NUP43: variants seen among roughly 807,000 people sequenced by gnomAD.
The protein encoded by NUP43 is nucleoporin Nup43.
In NUP43, 32 loss-of-function variants were observed where a neutral mutation model predicts 47.3. The ratio of observed to expected loss-of-function variants is 0.68; its 90% CI spans 0.51 to 0.91. The LOEUF (loss-of-function observed/expected upper bound fraction) is 0.91, where lower values mean the gene tolerates loss of function less well. Ranked by LOEUF, NUP43 falls within the 40% of genes least tolerant of loss-of-function variation. NUP43 has a pLI of 0.00. For missense variants in NUP43, 444 were observed against 453.9 expected, an observed-to-expected ratio of 0.98 and a Z score of 0.20; for synonymous variants, 147 against 158.4, an observed-to-expected ratio of 0.93 and a Z score of 0.54.
At chr6:149,732,773 G>A (rs1040687383) in intron 6 of NUP43, among the ~76,000 whole-genome samples, 2 of 152,124 alleles carry the variant, frequency 1.3e-5, no homozygotes, top group Non-Finnish European at 2.9e-5. Flanking sequence ...TTGAACCCGG[G>A]AGGCAAGGTT....
rs1238040244 is a variant in NUP43 at position 149,730,776 on chromosome 6, T to TA, written c.913+836dup. Among the ~76,000 whole-genome samples, 643 of 143,114 alleles carry TA rather than the reference T, an allele frequency of 4.5e-3. 3 individuals are homozygous for TA. Among genetic ancestry groups the TA allele is most frequent in the African/African-American group, 0.015 (572 of 39,068 alleles). The allele number at this position is 143,114 out of a possible 152,430, so 93.9% of individuals were successfully genotyped here. A position where few individuals can be genotyped will look rare whatever the true frequency, so the allele number is the denominator to read the frequency against. ...TGAGAGCTCATCTCTACAAAAAAAT[T>TA]AAAAAAAAAAAATTAGCTGGTTGTG... On this transcript the variant is annotated intron_variant, in intron 7 of 7. Transcript: ENST00000340413.
rs367927061 is a variant in NUP43 at position 149,728,666 on chromosome 6, A to G, written c.914-1468T>C. 1.1e-4 allele frequency among the ~76,000 whole-genome samples: 17 copies of G among 152,200 alleles called. No homozygotes were observed. The South Asian group carries it at 2.7e-3, about 24-fold the overall frequency. On this transcript the variant is annotated intron_variant, in intron 7 of 7. Transcript: ENST00000340413. ...CTCCCATAAGTCTAAAGTCCTTATC[A>G]TGGGCTACAAAGTCCCAGGGCTCCT...
At chr6:149,731,798 C>A (rs2115089901) in intron 6 of NUP43, 63 bp from the exon 7 acceptor site, 2 of 1,563,646 alleles carry the variant, frequency 1.3e-6, no homozygotes, top group South Asian at 1.1e-5. Flanking sequence ...AACATTAAAC[C>A]CCCATCTCTA....
At chr6:149,745,561 T>A (rs758504027) in intron 2 of NUP43, among the ~76,000 whole-genome samples, 3 of 152,180 alleles carry the variant, frequency 2.0e-5, no homozygotes, top group Non-Finnish European at 1.5e-5. Flanking sequence ...AACAAAATGA[T>A]GTTATCCCCC....
intron 5 of NUP43, among the ~76,000 whole-genome samples, chr6:149,737,106 A>C (rs935492034): frequency 2.0e-5 from 3 of 152,066 alleles, no homozygotes; most frequent in Admixed American, 2.0e-4. Context: ...CAAAATGGCG[A>C]AACCCCATCT....
chr6:149,740,336 AAAC>A (rs1487538888), intron 4 of NUP43, among the ~76,000 whole-genome samples: 22 of 151,478 alleles, frequency 1.5e-4, no homozygotes, highest in African/African-American at 5.1e-4. Flanking sequence ...AAATCATAAT[AAAC>A]AACACAAAAG....
At chr6:149,734,903 GA>G (rs35960957) in intron 6 of NUP43, among the ~76,000 whole-genome samples, 15 of 132,326 alleles carry the variant, frequency 1.1e-4, no homozygotes, top group East Asian at 2.2e-4. Flanking sequence ...AGAATCAAAA[GA>G]AAAAAAAAAG....
chr6:149,736,374 G>A lies in NUP43; in HGVS notation c.790+97C>T, dbSNP rs952231455. ...ACACAATTCAGCCATTAAAAGCTAT[G>A]ATGTAAAATGATCCACATGTATCAT... is the stretch of plus-strand genomic sequence containing the variant. On this transcript the variant is annotated intron_variant, in intron 6 of 7. Coordinates refer to ENST00000340413, the MANE Select transcript of NUP43 (RefSeq NM_198887.3). 1.4e-5 allele frequency: 10 copies of A among 738,006 alleles called. No homozygotes were observed. The Admixed American group carries it at 3.0e-4, about 22-fold the overall frequency. 45.7% of individuals were successfully genotyped at this position (738,006 alleles called of 1,614,324 possible).
At chr6:149,727,675 T>C in intron 7 of NUP43, 2 of 836,434 alleles carry the variant, frequency 2.4e-6, no homozygotes, top group Non-Finnish European at 2.9e-6. Flanking sequence ...TATTTGTTAC[T>C]ATATTTCTTA....
Position 149,727,097 on chromosome 6 carries a change from G to A in NUP43, c.1015C>T (p.Arg339Ter), listed in dbSNP as rs368190862. Residue 339 changes from arginine to a stop codon, truncating the protein, a stop_gained, in exon 8 of 8, where the codon CGA (arginine) becomes TGA (stop). Transcript: ENST00000340413. LOFTEE classifies it high-confidence loss of function. ...SWLSTDPAKD[R>*]IEITSLLPSR... ...GGAAGTAAGCTTGTGATTTCAATTC[G>A]GTCTTTTGCAGGATCAGTGCTGAGC... is the stretch of plus-strand genomic sequence containing the variant. 5.0e-5 allele frequency: 81 copies of A among 1,613,956 alleles called. No homozygotes were observed. Among genetic ancestry groups the A allele is most frequent in the Non-Finnish European group, 6.8e-5 (80 of 1,180,002 alleles).
intron 1 of NUP43, 45 bp downstream of exon 1, chr6:149,746,331 G>T (rs751137429): frequency 1.9e-6 from 3 of 1,604,478 alleles, no homozygotes; most frequent in African/African-American, 1.3e-5. Context: ...CAGCTCAACC[G>T]GAGAGAGGGA....
At chr6:149,738,965 T>G (rs1377030085) in intron 4 of NUP43, among the ~76,000 whole-genome samples, 187 bp from the exon 5 acceptor site, 1 of 152,108 alleles carries the variant, frequency 6.6e-6, no homozygotes, top group Non-Finnish European at 1.5e-5. Context: ...GGAAAAACAT[T>G]TACTCACAGG....
intron 7 of NUP43, among the ~76,000 whole-genome samples, chr6:149,729,880 AC>A (rs2115079893): frequency 6.6e-6 from 1 of 152,340 alleles, no homozygotes; most frequent in East Asian, 1.9e-4. Flanking sequence ...AAGCAAAAGA[AC>A]TTTGGAGCCA....
intron 4 of NUP43, among the ~76,000 whole-genome samples, chr6:149,740,905 C>G (rs1785617981): frequency 6.6e-6 from 1 of 152,114 alleles, no homozygotes; most frequent in Non-Finnish European, 1.5e-5. Context: ...TCGGGTCAAA[C>G]TATACTTTTT....
intron 7 of NUP43, among the ~76,000 whole-genome samples, chr6:149,730,267 C>T (rs1361879247): frequency 6.6e-6 from 1 of 152,162 alleles, no homozygotes; most frequent in African/African-American, 2.4e-5. Flanking sequence ...CCTTGGCCTC[C>T]CAAAGTGCTG....
upstream of NUP43, chr6:149,746,702 G>A (rs1385660056): frequency 6.6e-7 from 1 of 1,514,802 alleles, no homozygotes; most frequent in Non-Finnish European, 8.9e-7. Context: ...TCTGAGCAAA[G>A]GCAAGAGCGC....
intron 2 of NUP43, among the ~76,000 whole-genome samples, chr6:149,744,254 G>A (rs977452857): frequency 2.0e-5 from 3 of 151,582 alleles, no homozygotes; most frequent in Admixed American, 6.6e-5. Flanking sequence ...AGCCAGGCAC[G>A]GTGGCTGACG....
upstream of NUP43, chr6:149,746,711 G>A: frequency 1.3e-6 from 2 of 1,499,480 alleles, no homozygotes; most frequent in Non-Finnish European, 1.8e-6. Flanking sequence ...AGGCAAGAGC[G>A]CTTTGGCCTT....
chr6:149,746,603 G>A (rs991557976), upstream of NUP43: 2 of 1,608,730 alleles, frequency 1.2e-6, no homozygotes, highest in African/African-American at 1.3e-5. Context: ...GGACGGAGAC[G>A]GTGGCTGCAG....
Sources: allele counts gnomAD v4.1 joint callset (sites outside exome capture counted in the v4.1 genomes callset), GRCh38; gene constraint gnomAD v4.1.1; transcripts MANE v1.5; gene names NCBI Gene and HGNC (gene_info 2026-07-23, HGNC 2026-07-21).